Variants in BCL11B observed in about 807,000 individuals in gnomAD.
BCL11B encodes BCL11 transcription factor B.
BCL11B carries 8 observed loss-of-function variants against 49.9 expected under a neutral mutation model. The observed-to-expected ratio is 0.16, with a 90% CI of 0.09 to 0.29. The LOEUF is 0.29. Ranked by LOEUF, BCL11B falls within the 10% of genes least tolerant of loss-of-function variation. The probability of loss-of-function intolerance (pLI) is 1.00; values close to 1 mark genes in which losing one functional copy is unlikely to be tolerated. For synonymous variants in BCL11B, 739 were observed against 637.4 expected (o/e 1.16, Z -2.40); for missense variants, 1,006 against 1,351.0 (o/e 0.74, Z 4.00).
intron 2 of BCL11B, among the ~76,000 whole-genome samples, chr14:99,238,613 C>T (rs1888572220): frequency 6.6e-6 from 1 of 152,134 alleles, no homozygotes; most frequent in African/African-American, 2.4e-5. Flanking sequence ...CCGTTCCAGC[C>T]CCTAAGTGGG....
intron 2 of BCL11B, among the ~76,000 whole-genome samples, chr14:99,243,690 A>T (rs1221113713): frequency 6.6e-6 from 1 of 152,146 alleles, no homozygotes; most frequent in Non-Finnish European, 1.5e-5. Flanking sequence ...AACAACAAAT[A>T]TTATTGAACC....
chr14:99,271,040 T>G (rs1889661263), intron 1 of BCL11B, 121 bp downstream of exon 1: 2 of 1,059,454 alleles, frequency 1.9e-6, no homozygotes, highest in Non-Finnish European at 2.6e-6. Context: ...CCGTAGACTC[T>G]GCCAGCCAGC....
chr14:99,237,573 T>C (rs2139906471), intron 2 of BCL11B, among the ~76,000 whole-genome samples: 1 of 152,258 alleles, frequency 6.6e-6, no homozygotes, highest in East Asian at 1.9e-4. Context: ...ACCACTGTTT[T>C]GTCTGGGCAC....
At chr14:99,191,611 TG>T (rs1240786174) in intron 3 of BCL11B, among the ~76,000 whole-genome samples, 1 of 151,680 alleles carries the variant, frequency 6.6e-6, no homozygotes, top group African/African-American at 2.4e-5. Context: ...GCTGAGAATC[TG>T]GGGCTCCTAG....
At chr14:99,246,905 T>C (rs1287375810) in intron 2 of BCL11B, among the ~76,000 whole-genome samples, 2 of 152,108 alleles carry the variant, frequency 1.3e-5, no homozygotes, top group Admixed American at 1.3e-4. Context: ...ACCGGAAAAT[T>C]GCAGTAGCGG....
chr14:99,199,640 CTGTGTGTGTGTGTGTGTG>C lies in BCL11B; in HGVS notation c.641-23463_641-23446del, dbSNP rs79328426. 2.1e-4 allele frequency among the ~76,000 whole-genome samples: 23 copies of C among 109,524 alleles called. 1 individual carries two copies. Among genetic ancestry groups the C allele is most frequent in the Admixed American group, 1.8e-3 (21 of 11,826 alleles). The allele number at this position is 109,524 out of a possible 152,430, so 71.9% of individuals were successfully genotyped here. On this transcript the variant is annotated intron_variant, in intron 3 of 3. Transcript: ENST00000357195. Reference sequence around the variant, plus strand: ...GACTTAGCAGGGTTCTGGCTAAATGCTGTGTGTGTGTGTGTGTGTGTGTGTGTGTGTGTGTGTGTGTGT... The same window carrying C: ...GACTTAGCAGGGTTCTGGCTAAATGCTGTGTGTGTGTGTGTGTGTGTGTGT...
intron 3 of BCL11B, among the ~76,000 whole-genome samples, chr14:99,210,264 C>A (rs1404697984): frequency 6.6e-6 from 1 of 152,110 alleles, no homozygotes; most frequent in East Asian, 1.9e-4. Context: ...CTATTCCTTG[C>A]AGAAGAAACA....
chr14:99,203,562 T>C (rs1887447264), intron 3 of BCL11B, among the ~76,000 whole-genome samples: 1 of 152,332 alleles, frequency 6.6e-6, no homozygotes, highest in South Asian at 2.1e-4. Context: ...CAGCATTTCC[T>C]AAGCATCTAC....
chr14:99,171,457 G>T lies in BCL11B; in HGVS notation c.*2694C>A, dbSNP rs1886287712. 4.8e-6 allele frequency: 1 copy of T among 208,194 alleles called. No homozygotes were observed. The highest frequency in any genetic ancestry group is 9.7e-6 in the Non-Finnish European group (1 of 102,880). 12.9% of individuals were successfully genotyped at this position (208,194 alleles called of 1,614,324 possible). On this transcript the variant is annotated 3_prime_UTR_variant, in exon 4 of 4. Coordinates refer to ENST00000357195, the MANE Select transcript of BCL11B (RefSeq NM_138576.4). ...TTATTTCCAAATTCACTAACAAAAA[G>T]GTACATTAAATCCCTTTAAAAGGAC...
chr14:99,253,466 G>A (rs575831015), intron 2 of BCL11B, among the ~76,000 whole-genome samples: 12 of 152,268 alleles, frequency 7.9e-5, no homozygotes, highest in Non-Finnish European at 1.5e-4. Context: ...AAAGCCGAGC[G>A]CCAGGAAAAG....
At chr14:99,260,427 C>T (rs1889303613) in intron 1 of BCL11B, among the ~76,000 whole-genome samples, 1 of 152,066 alleles carries the variant, frequency 6.6e-6, no homozygotes, top group Admixed American at 6.6e-5. Context: ...CTTTTTCAGC[C>T]TCGTCCGCCC....
intron 3 of BCL11B, among the ~76,000 whole-genome samples, chr14:99,187,748 C>T (rs1214647269): frequency 1.5e-5 from 2 of 135,122 alleles, no homozygotes; most frequent in Admixed American, 7.5e-5. Context: ...CGTGGGATCT[C>T]AGTCTCCCCA....
At chr14:99,199,679 TGTGTGCGC>T (rs1232275508) in intron 3 of BCL11B, among the ~76,000 whole-genome samples, 18 of 69,906 alleles carry the variant, frequency 2.6e-4, no homozygotes, top group Non-Finnish European at 3.7e-4. Context: ...TGTGTGTGTG[TGTGTGCGC>T]GCGCGCGCGC....
At chr14:99,178,593 C>T (rs1352786159) in intron 3 of BCL11B, among the ~76,000 whole-genome samples, 2 of 152,220 alleles carry the variant, frequency 1.3e-5, no homozygotes, top group Non-Finnish European at 2.9e-5. Context: ...GGGAACAGCA[C>T]GCCTTAGCTC....
chr14:99,271,963 C>G lies in BCL11B; in HGVS notation c.-745G>C, dbSNP rs921282564. Among the ~76,000 whole-genome samples, 1 of 151,878 alleles carries G rather than the reference C, an allele frequency of 6.6e-6. No individual in the cohort carries two copies. Among genetic ancestry groups the G allele is most frequent in the African/African-American group, 2.4e-5 (1 of 41,352 alleles). ...CCCTTCCGAGGCTCTGGGGGGACACCAGGAGAGGCTCCTTCCCAGTTCACC... is the reference window on the plus strand; with the variant it reads ...CCCTTCCGAGGCTCTGGGGGGACACGAGGAGAGGCTCCTTCCCAGTTCACC... On this transcript the variant is annotated 5_prime_UTR_variant, in exon 1 of 4. Transcript: ENST00000357195.
chr14:99,202,885 G>A (rs1400964494), intron 3 of BCL11B, among the ~76,000 whole-genome samples: 1 of 152,220 alleles, frequency 6.6e-6, no homozygotes, highest in Non-Finnish European at 1.5e-5. Flanking sequence ...TGGTCAGGAA[G>A]GGAGTCAAAC....
chr14:99,268,207 T>A (rs911432326), intron 1 of BCL11B, among the ~76,000 whole-genome samples: 3 of 152,138 alleles, frequency 2.0e-5, no homozygotes, highest in Non-Finnish European at 2.9e-5. Flanking sequence ...TCACTCCTCT[T>A]GTCCCTGGCC....
Position 99,212,705 on chromosome 14 carries a change from C to T in BCL11B, c.640+18640G>A, listed in dbSNP as rs140924101. On this transcript the variant is annotated intron_variant, in intron 3 of 3. Coordinates refer to ENST00000357195, the MANE Select transcript of BCL11B (RefSeq NM_138576.4). ...GACTTCCCAGAGAACAACCCCTCCA[C>T]GCCCCACCCCCAGGAGCTGAAGCTG... Among the ~76,000 whole-genome samples the T allele has an allele frequency of 3.3e-5, 5 of 152,292 alleles. No homozygotes were observed. The East Asian group carries it at 7.8e-4, about 24-fold the overall frequency.
intron 3 of BCL11B, among the ~76,000 whole-genome samples, chr14:99,189,296 G>C (rs184423975): frequency 6.6e-6 from 1 of 152,218 alleles, no homozygotes; most frequent in African/African-American, 2.4e-5. Context: ...TGACACCACC[G>C]AAGTTTCCGG....
Sources: gnomAD v4.1 joint callset for allele counts (sites outside exome capture counted in the v4.1 genomes callset) on GRCh38, gnomAD v4.1.1 for gene constraint, MANE v1.5 for transcripts, NCBI Gene and HGNC (gene_info 2026-07-23, HGNC 2026-07-21) for gene names.